The following DPP10 variants were observed in gnomAD, a reference collection of about 807,000 sequenced individuals.
The protein encoded by DPP10 is dipeptidyl peptidase like 10.
DPP10 carries 33 observed loss-of-function variants against 120.9 expected under a neutral mutation model. The observed-to-expected ratio is 0.27, with a 90% CI of 0.21 to 0.37. DPP10 has a LOEUF of 0.37. DPP10 is among the 10% of genes least tolerant of loss of function. DPP10 has a pLI of 1.00. For missense variants in DPP10, 816 were observed against 942.8 expected (o/e 0.87, Z 1.76); for synonymous variants, 337 against 326.1 (o/e 1.03, Z -0.36).
chr2:115,531,494 C>G (rs12373620), intron 5 of DPP10, among the ~76,000 whole-genome samples: 115,239 of 151,986 alleles, frequency 0.76, 46,087 homozygotes, highest in Non-Finnish European at 0.88. Context: ...ACAATTATTT[C>G]TTCCTGGATT....
chr2:115,339,163 A>C (rs970333), intron 2 of DPP10, among the ~76,000 whole-genome samples: 109,143 of 152,094 alleles, frequency 0.72, 39,833 homozygotes, highest in Admixed American at 0.78. Context: ...ACATGAACAG[A>C]TATTTCACTG....
At chr2:115,679,665 A>G (rs1017930892) in intron 5 of DPP10, among the ~76,000 whole-genome samples, 23 of 152,248 alleles carry the variant, frequency 1.5e-4, no homozygotes, top group Non-Finnish European at 2.1e-4. Flanking sequence ...TGCAGCTATT[A>G]CAAAATAATA....
intron 1 of DPP10, among the ~76,000 whole-genome samples, chr2:114,854,850 G>T (rs1689249173): frequency 6.6e-6 from 1 of 152,072 alleles, no homozygotes; most frequent in Non-Finnish European, 1.5e-5. Flanking sequence ...GGAAGTTTAG[G>T]AGTGGATATT....
intron 5 of DPP10, among the ~76,000 whole-genome samples, chr2:115,672,863 C>T (rs1471130161): frequency 1.3e-5 from 2 of 151,866 alleles, no homozygotes; most frequent in Admixed American, 6.6e-5. Flanking sequence ...TCTCATGCCT[C>T]AGCCTCCTGA....
chr2:114,640,659 A>C (rs919759951), intron 1 of DPP10, among the ~76,000 whole-genome samples: 1 of 151,854 alleles, frequency 6.6e-6, no homozygotes, highest in South Asian at 2.1e-4. Context: ...GTTCCTCGAC[A>C]TCATGGATGT....
chr2:115,720,078 GACC>G (rs2092606934), intron 7 of DPP10, among the ~76,000 whole-genome samples: 1 of 152,146 alleles, frequency 6.6e-6, no homozygotes, highest in Non-Finnish European at 1.5e-5. Context: ...TGCTGAGTCA[GACC>G]TATGCTCAGC....
At chr2:115,372,063 T>C (rs2106404533) in intron 3 of DPP10, among the ~76,000 whole-genome samples, 1 of 152,288 alleles carries the variant, frequency 6.6e-6, no homozygotes, top group South Asian at 2.1e-4. Flanking sequence ...TAAAGTTTTC[T>C]TAAATATTCA....
intron 3 of DPP10, among the ~76,000 whole-genome samples, chr2:115,415,841 T>TTGCTTTTATATATA (rs1553592806): frequency 2.7e-5 from 2 of 74,296 alleles, no homozygotes; most frequent in Non-Finnish European, 5.1e-5. Flanking sequence ...TGATTTGCTT[T>TTGCTTTTATATATA]TATATATATA....
chr2:114,525,125 A>AGAAACT (rs1299717728), intron 1 of DPP10, among the ~76,000 whole-genome samples: 1 of 152,234 alleles, frequency 6.6e-6, no homozygotes, highest in Non-Finnish European at 1.5e-5. Context: ...CTAAGCCTCC[A>AGAAACT]GAAACTGTAT....
At chr2:115,322,948 T>C (rs1216153795) in intron 2 of DPP10, among the ~76,000 whole-genome samples, 1 of 152,224 alleles carries the variant, frequency 6.6e-6, no homozygotes, top group Non-Finnish European at 1.5e-5. Context: ...GGGTCTTTCC[T>C]TGATGTTGAT....
chr2:114,817,097 C>G (rs370256303), intron 1 of DPP10, among the ~76,000 whole-genome samples: 1 of 152,146 alleles, frequency 6.6e-6, no homozygotes, highest in Admixed American at 6.5e-5. Flanking sequence ...TTAAAGGCAG[C>G]TTTTAATAAG....
At chr2:115,517,955 G>T (rs2077590938) in intron 4 of DPP10, among the ~76,000 whole-genome samples, 1 of 152,216 alleles carries the variant, frequency 6.6e-6, no homozygotes, top group African/African-American at 2.4e-5. Context: ...TCTGCTTCTG[G>T]TGAGGGCTTC....
chr2:115,414,420 A>G (rs768078825), intron 3 of DPP10, among the ~76,000 whole-genome samples: 6 of 152,144 alleles, frequency 3.9e-5, no homozygotes, highest in Non-Finnish European at 8.8e-5. Context: ...TCAACACTGA[A>G]TACTGTTTTT....
chr2:114,878,841 A>G (rs1691369810), intron 1 of DPP10, among the ~76,000 whole-genome samples: 1 of 152,108 alleles, frequency 6.6e-6, no homozygotes, highest in Non-Finnish European at 1.5e-5. Flanking sequence ...CTGTTGATGA[A>G]CACTTAGACT....
At chr2:114,492,566 A>G (rs1682100436) in intron 1 of DPP10, among the ~76,000 whole-genome samples, 1 of 152,218 alleles carries the variant, frequency 6.6e-6, no homozygotes, top group African/African-American at 2.4e-5. Context: ...TAAAATGTAT[A>G]TGCACGTGCT....
chr2:114,689,163 A>AG (rs1699572414), intron 1 of DPP10, among the ~76,000 whole-genome samples: 1 of 151,686 alleles, frequency 6.6e-6, no homozygotes, highest in South Asian at 2.1e-4. Flanking sequence ...GTCTTGCTGC[A>AG]CAAATCATCC....
At chr2:114,533,488 A>G (rs1686214644) in intron 1 of DPP10, among the ~76,000 whole-genome samples, 1 of 152,052 alleles carries the variant, frequency 6.6e-6, no homozygotes, top group African/African-American at 2.4e-5. Flanking sequence ...GAGAGAGAGC[A>G]TTAGGAAAAA....
chr2:114,728,604 G>A (rs565544873), intron 1 of DPP10, among the ~76,000 whole-genome samples: 1 of 152,248 alleles, frequency 6.6e-6, no homozygotes, highest in Admixed American at 6.5e-5. Flanking sequence ...GTCCAGAGAA[G>A]CGGACTGCAT....
At chr2:114,653,027 A>AGAGTGTGTGTGT (rs1553476958) in intron 1 of DPP10, among the ~76,000 whole-genome samples, 11 of 135,852 alleles carry the variant, frequency 8.1e-5, no homozygotes, top group African/African-American at 3.4e-4. Flanking sequence ...AGAGAGAGAG[A>AGAGTGTGTGTGT]GTGTGTGTGT....
Sources: allele counts gnomAD v4.1 joint callset (sites outside exome capture counted in the v4.1 genomes callset), GRCh38; gene constraint gnomAD v4.1.1; transcripts MANE v1.5; gene names NCBI Gene and HGNC (gene_info 2026-07-23, HGNC 2026-07-21).